Variants in EPS15 observed in about 807,000 individuals in gnomAD.
The protein encoded by EPS15 is epidermal growth factor receptor pathway substrate 15, also known as epidermal growth factor receptor substrate 15.
A neutral mutation model predicts 113.8 loss-of-function variants in EPS15; 72 were observed. That is an observed-to-expected ratio of 0.63 (90% CI 0.52 to 0.77). The LOEUF (loss-of-function observed/expected upper bound fraction) is 0.77, where lower values mean the gene tolerates loss of function less well. EPS15 is among the 30% of genes least tolerant of loss of function. The pLI is 0.00. For synonymous variants in EPS15, 344 were observed against 363.4 expected, an observed-to-expected ratio of 0.95 and a Z score of 0.61; for missense variants, 1,048 against 1,045.8, an observed-to-expected ratio of 1.00 and a Z score of -0.03.
chr1:51,449,044 G>A (rs1451636929), intron 8 of EPS15, among the ~76,000 whole-genome samples: 1 of 152,106 alleles, frequency 6.6e-6, no homozygotes, highest in Non-Finnish European at 1.5e-5. Context: ...ATTTCTCAAA[G>A]AACTCAAAGC....
chr1:51,492,419 T>C (rs1644251230), intron 1 of EPS15, among the ~76,000 whole-genome samples: 1 of 152,160 alleles, frequency 6.6e-6, no homozygotes, highest in Admixed American at 6.5e-5. Context: ...TAAAAAAATA[T>C]ATTTGCTCTG....
intron 12 of EPS15, among the ~76,000 whole-genome samples, chr1:51,437,540 C>A (rs527495499): frequency 6.8e-6 from 1 of 147,542 alleles, no homozygotes; most frequent in South Asian, 2.1e-4. Context: ...GTTGCCCAGG[C>A]TGGAGTGCAA....
intron 21 of EPS15, among the ~76,000 whole-genome samples, chr1:51,386,321 A>G (rs1647072012): frequency 6.6e-6 from 1 of 152,244 alleles, no homozygotes; most frequent in East Asian, 1.9e-4. Context: ...TGACAATGAA[A>G]GAAGAAAAGT....
intron 21 of EPS15, among the ~76,000 whole-genome samples, chr1:51,386,165 A>C (rs1321103301): frequency 1.3e-5 from 2 of 152,242 alleles, no homozygotes; most frequent in Admixed American, 1.3e-4. Flanking sequence ...ATTCAATAAC[A>C]TACGCCCAGG....
chr1:51,501,555 C>G (rs1235298716), intron 1 of EPS15, among the ~76,000 whole-genome samples: 1 of 151,848 alleles, frequency 6.6e-6, no homozygotes, highest in East Asian at 1.9e-4. Flanking sequence ...TCTAAGCTCA[C>G]TGCAACCTCG....
chr1:51,514,418 T>C (rs926825781), intron 1 of EPS15, among the ~76,000 whole-genome samples: 2 of 152,194 alleles, frequency 1.3e-5, no homozygotes, highest in Non-Finnish European at 2.9e-5. Context: ...TGAAGGTTTA[T>C]TACATCAGTG....
At chr1:51,364,467 T>C (rs189554582) in intron 22 of EPS15, among the ~76,000 whole-genome samples, 1 of 152,088 alleles carries the variant, frequency 6.6e-6, no homozygotes, top group African/African-American at 2.4e-5. Context: ...GAAAATGGCA[T>C]CTTGACAAAC....
intron 11 of EPS15, among the ~76,000 whole-genome samples, chr1:51,444,659 G>A (rs1652860847): frequency 6.6e-6 from 1 of 152,126 alleles, no homozygotes; most frequent in Non-Finnish European, 1.5e-5. Flanking sequence ...TTTAAGACTG[G>A]AAATATAGTT....
intron 15 of EPS15, 28 bp from the exon 16 acceptor site, chr1:51,406,136 C>G (rs749922224): frequency 1.8e-5 from 29 of 1,591,178 alleles, no homozygotes; most frequent in East Asian, 6.7e-5. Flanking sequence ...AAATATAGAA[C>G]AGAATTTATT....
intron 12 of EPS15, among the ~76,000 whole-genome samples, chr1:51,433,561 TTGAG>T (rs1404354399): frequency 6.6e-6 from 1 of 152,164 alleles, no homozygotes; most frequent in Non-Finnish European, 1.5e-5. Flanking sequence ...GAGAAGGAAA[TTGAG>T]TGCTCTCTGA....
intron 6 of EPS15, among the ~76,000 whole-genome samples, chr1:51,464,140 T>A (rs549877616): frequency 6.6e-6 from 1 of 152,086 alleles, no homozygotes; most frequent in African/African-American, 2.4e-5. Flanking sequence ...CTCACTTAAA[T>A]AGACCCAGAG....
chr1:51,476,925 T>C (rs1324607935), intron 2 of EPS15, among the ~76,000 whole-genome samples: 2 of 152,200 alleles, frequency 1.3e-5, no homozygotes, highest in African/African-American at 4.8e-5. Flanking sequence ...CTTTTTTTGT[T>C]GTGTCTCTGC....
At chr1:51,383,291 G>A (rs1204752549) in intron 21 of EPS15, among the ~76,000 whole-genome samples, 1 of 152,172 alleles carries the variant, frequency 6.6e-6, no homozygotes, top group Non-Finnish European at 1.5e-5. Flanking sequence ...ATCTTGAGAG[G>A]CTGAAACCAT....
chr1:51,513,391 C>A (rs939511180), intron 1 of EPS15, among the ~76,000 whole-genome samples: 2 of 152,162 alleles, frequency 1.3e-5, no homozygotes, highest in African/African-American at 4.8e-5. Flanking sequence ...TGTTATAGAG[C>A]AATCTCCTAA....
Position 51,470,211 on chromosome 1 carries a change from T to C in EPS15, c.213+1479A>G, listed in dbSNP as rs149521591. ...AGGGCAAGTTAAAACCCTTCCATAA[T>C]AGGGGGGCTAATACCTACCTTGCAA... On this transcript the variant is annotated intron_variant, in intron 4 of 24. Transcript: ENST00000371733. Among the ~76,000 whole-genome samples the C allele has an allele frequency of 1.1e-3, 164 of 152,318 alleles. 1 individual carries two copies. The highest frequency in any genetic ancestry group is 3.9e-3 in the African/African-American group (162 of 41,574).
At chr1:51,515,781 T>C (rs191533671) in intron 1 of EPS15, among the ~76,000 whole-genome samples, 2 of 152,334 alleles carry the variant, frequency 1.3e-5, no homozygotes. Context: ...ATCTAGTACA[T>C]AGAGAAGAAC....
intron 12 of EPS15, among the ~76,000 whole-genome samples, chr1:51,429,188 G>A (rs1026621602): frequency 1.3e-5 from 2 of 152,058 alleles, no homozygotes; most frequent in Non-Finnish European, 2.9e-5. Flanking sequence ...AGTTTTGTAT[G>A]GGACTGAAGT....
chr1:51,500,717 G>C (rs1644396763), intron 1 of EPS15, among the ~76,000 whole-genome samples: 1 of 152,116 alleles, frequency 6.6e-6, no homozygotes. Context: ...GGGTGCAGTG[G>C]CTCACGTCTG....
chr1:51,412,164 G>C (rs565632322), intron 13 of EPS15, among the ~76,000 whole-genome samples: 1 of 152,108 alleles, frequency 6.6e-6, no homozygotes, highest in East Asian at 1.9e-4. Flanking sequence ...CAATGAGAAC[G>C]CATGGACACA....
Sources: gnomAD v4.1 joint callset for allele counts (sites outside exome capture counted in the v4.1 genomes callset) on GRCh38, gnomAD v4.1.1 for gene constraint, MANE v1.5 for transcripts, NCBI Gene and HGNC (gene_info 2026-07-23, HGNC 2026-07-21) for gene names.